The following SPTA1 variants were observed in gnomAD, a reference collection of about 807,000 sequenced individuals.
SPTA1 encodes the protein spectrin alpha chain, erythrocytic 1.
In SPTA1, 177 loss-of-function variants were observed where a neutral mutation model predicts 324.7. That is an observed-to-expected ratio of 0.55 (90% CI 0.48 to 0.62). SPTA1 has a LOEUF of 0.62. Ranked by LOEUF, SPTA1 falls within the 20% of genes least tolerant of loss-of-function variation. The pLI, the probability that SPTA1 is intolerant of heterozygous loss-of-function variation, is 0.00. For missense variants in SPTA1, 3,162 were observed against 2,883.6 expected, an observed-to-expected ratio of 1.10 and a Z score of -2.21; for synonymous variants, 1,195 against 1,041.3, an observed-to-expected ratio of 1.15 and a Z score of -2.84.
chr1:158,670,120 A>C (rs1245604027), intron 12 of SPTA1, among the ~76,000 whole-genome samples: 4 of 152,184 alleles, frequency 2.6e-5, no homozygotes, highest in African/African-American at 9.7e-5. Context: ...CAGTCTGTCC[A>C]TCCATCTATC....
Position 158,619,317 on chromosome 1 carries a change from C to T in SPTA1, c.6435G>A (p.Leu2145=). ...SDIIEEREQE[L]QKEEARQVKN... Reference sequence around the variant, plus strand: ...TGACCTGTCTTGCCTCTTCCTTTTGCAGCTCCTGCTCCCGTTCCTAAAACC... The same window carrying T: ...TGACCTGTCTTGCCTCTTCCTTTTGTAGCTCCTGCTCCCGTTCCTAAAACC... Residue 2145 remains leucine (L), a synonymous_variant, in exon 45 of 52, where the codon CTG becomes CTA. Transcript: ENST00000643759. 1 of 1,614,136 alleles carries T rather than the reference C, an allele frequency of 6.2e-7. No homozygotes were observed. Among genetic ancestry groups the T allele is most frequent in the Non-Finnish European group, 8.5e-7 (1 of 1,179,974 alleles).
At chr1:158,666,604 C>CAATATTA in intron 15 of SPTA1, 107 bp from the exon 16 acceptor site, 1 of 990,930 alleles carries the variant, frequency 1.0e-6, no homozygotes, top group Non-Finnish European at 1.5e-6. Flanking sequence ...TTTAATATTG[C>CAATATTA]AAAGAGGGAA....
At chr1:158,615,131 T>C (rs1649475248) in intron 48 of SPTA1, 85 bp downstream of exon 48, 1 of 1,493,784 alleles carries the variant, frequency 6.7e-7, no homozygotes, top group South Asian at 1.1e-5. Flanking sequence ...TTTTATCTGG[T>C]GCACCAAACT....
rs1025292950 is a variant in SPTA1, at chr1:158,653,231, G to A, written c.3188+43C>T. ...AGAAGAAATGCCTTTGGCGAAAAATGTCTGACCAAATACTGTTCAGTTCTC... is the reference window on the plus strand; with the variant it reads ...AGAAGAAATGCCTTTGGCGAAAAATATCTGACCAAATACTGTTCAGTTCTC... On this transcript the variant is annotated intron_variant, in intron 22 of 51. Coordinates refer to ENST00000643759, the MANE Select transcript of SPTA1 (RefSeq NM_003126.4). The A allele has an allele frequency of 1.6e-5, 26 of 1,613,608 alleles. No individual in the cohort carries two copies. The African/African-American group carries it at 2.8e-4, about 17-fold the overall frequency.
At chr1:158,645,740 G>T in intron 27 of SPTA1, 146 bp from the exon 28 acceptor site, 1 of 841,410 alleles carries the variant, frequency 1.2e-6, no homozygotes, top group Non-Finnish European at 2.0e-6. Context: ...TCTTACGTTT[G>T]CTGTTTTTAT....
chr1:158,675,293 T>C (rs2101926380), intron 8 of SPTA1, among the ~76,000 whole-genome samples: 1 of 152,310 alleles, frequency 6.6e-6, no homozygotes, highest in South Asian at 2.1e-4. Context: ...CAGGAAATAA[T>C]ACTGAAGTTA....
At chr1:158,668,199 G>T in intron 14 of SPTA1, 137 bp from the exon 15 acceptor site, 1 of 988,154 alleles carries the variant, frequency 1.0e-6, no homozygotes, top group Non-Finnish European at 1.5e-6. Context: ...AAGTTTCCTA[G>T]TCCAACGTTT....
chr1:158,632,264 T>C (rs1182403969), intron 39 of SPTA1, among the ~76,000 whole-genome samples: 1 of 151,818 alleles, frequency 6.6e-6, no homozygotes, highest in African/African-American at 2.4e-5. Flanking sequence ...GAGTGGAATG[T>C]TAATTACCAG....
chr1:158,629,267 A>G (rs149173239), intron 39 of SPTA1, among the ~76,000 whole-genome samples: 3 of 152,050 alleles, frequency 2.0e-5, no homozygotes, highest in African/African-American at 7.2e-5. Flanking sequence ...CTTATTGAAT[A>G]TAGATGCAAA....
intron 44 of SPTA1, 122 bp from the exon 45 acceptor site, chr1:158,619,456 G>T: frequency 1.1e-6 from 1 of 917,710 alleles, no homozygotes. Flanking sequence ...TCTTCCACAG[G>T]TATGTGCCTG....
intron 10 of SPTA1, among the ~76,000 whole-genome samples, chr1:158,672,617 C>A (rs1654103472): frequency 6.6e-6 from 1 of 152,090 alleles, no homozygotes; most frequent in African/African-American, 2.4e-5. Context: ...CAATGAAATC[C>A]AAGTTCATAG....
chr1:158,668,911 C>A (rs1244042178), intron 14 of SPTA1, among the ~76,000 whole-genome samples: 1 of 152,144 alleles, frequency 6.6e-6, no homozygotes, highest in Non-Finnish European at 1.5e-5. Context: ...CAACTTAGAT[C>A]CTGGTTTCTT....
chr1:158,649,324 A>G (rs1291014992), intron 25 of SPTA1, among the ~76,000 whole-genome samples: 2 of 152,340 alleles, frequency 1.3e-5, no homozygotes, highest in East Asian at 3.9e-4. Flanking sequence ...CTGTTGCAAT[A>G]GGCTGGAGTG....
At chr1:158,661,908 G>A (rs1653246081) in intron 17 of SPTA1, among the ~76,000 whole-genome samples, 1 of 152,154 alleles carries the variant, frequency 6.6e-6, no homozygotes, top group African/African-American at 2.4e-5. Flanking sequence ...TGATTGCATA[G>A]CATTAACAAG....
intron 5 of SPTA1, 25 bp from the exon 6 acceptor site, chr1:158,678,559 G>GTT (rs1654569352): frequency 6.2e-7 from 1 of 1,611,238 alleles, no homozygotes; most frequent in African/African-American, 1.3e-5. Flanking sequence ...CAACACTGGA[G>GTT]TTATACAGAG....
At chr1:158,615,927 C>T (rs748300177) in intron 47 of SPTA1, among the ~76,000 whole-genome samples, 1 of 152,112 alleles carries the variant, frequency 6.6e-6, no homozygotes, top group African/African-American at 2.4e-5. Context: ...ATGGGCTGCT[C>T]CTGCCATGCA....
intron 39 of SPTA1, among the ~76,000 whole-genome samples, chr1:158,631,005 G>C (rs1404734998): frequency 4.6e-5 from 7 of 151,988 alleles, no homozygotes; most frequent in Admixed American, 4.6e-4. Context: ...TGGTAAACGG[G>C]ACACTCTTAC....
intron 12 of SPTA1, among the ~76,000 whole-genome samples, chr1:158,671,019 C>T (rs1276465041): frequency 6.6e-6 from 1 of 151,564 alleles, no homozygotes; most frequent in Non-Finnish European, 1.5e-5. Context: ...TCTAGAAAAA[C>T]TTTCCAGATA....
rs1650918653 is a variant in SPTA1 at position 158,634,578 on chromosome 1, G to A, written c.5530C>T (p.Arg1844Ter). 6.2e-7 allele frequency: 1 copy of A among 1,613,936 alleles called. No individual in the cohort carries two copies. The highest frequency in any genetic ancestry group is 8.5e-7 in the Non-Finnish European group (1 of 1,179,988). Residue 1844 changes from arginine to a stop codon, truncating the protein, a stop_gained, in exon 39 of 52, where the codon CGA becomes TGA. Transcript: ENST00000643759. LOFTEE classifies it high-confidence loss of function. ...WINEKNALAV[R>*]GDCGDTLAAT... The stretch of plus-strand genomic sequence containing the variant: ...GCTAATGTATCTCCACAATCTCCTC[G>A]GACAGCCAAAGCATTCTTTTCATTG...
Sources: gnomAD v4.1 joint callset for allele counts (sites outside exome capture counted in the v4.1 genomes callset) on GRCh38, gnomAD v4.1.1 for gene constraint, MANE v1.5 for transcripts, NCBI Gene and HGNC (gene_info 2026-07-23, HGNC 2026-07-21) for gene names.